Variants in OPCML observed in about 807,000 individuals in gnomAD.
OPCML encodes the protein opioid-binding protein/cell adhesion molecule.
A neutral mutation model predicts 37.8 loss-of-function variants in OPCML; 13 were observed. The ratio of observed to expected loss-of-function variants is 0.34; its 90% CI spans 0.22 to 0.55. The LOEUF (loss-of-function observed/expected upper bound fraction) is 0.55, where lower values mean the gene tolerates loss of function less well. OPCML is among the 20% of genes least tolerant of loss of function. The pLI, the probability that OPCML is intolerant of heterozygous loss-of-function variation, is 0.91. For missense variants in OPCML, 341 were observed against 435.6 expected, an observed-to-expected ratio of 0.78 and a Z score of 1.93; for synonymous variants, 176 against 168.8, an observed-to-expected ratio of 1.04 and a Z score of -0.33.
chr11:132,435,365 C>G (rs962975794), intron 7 of OPCML: 3 of 393,262 alleles, frequency 7.6e-6, no homozygotes, highest in Non-Finnish European at 1.0e-5. Flanking sequence ...TCCTACTCAT[C>G]GGATGCTTCC....
intron 3 of OPCML, among the ~76,000 whole-genome samples, chr11:132,576,942 G>A (rs1427045858): frequency 6.6e-6 from 1 of 152,120 alleles, no homozygotes; most frequent in African/African-American, 2.4e-5. Flanking sequence ...CAAGCTCCAA[G>A]ACTGGAAGGA....
At chr11:133,449,889 A>G (rs1946547187) in intron 1 of OPCML, among the ~76,000 whole-genome samples, 1 of 151,886 alleles carries the variant, frequency 6.6e-6, no homozygotes, top group South Asian at 2.1e-4. Flanking sequence ...TAGGCTAATC[A>G]TGGTAATCCC....
intron 1 of OPCML, among the ~76,000 whole-genome samples, chr11:133,469,910 A>G (rs1320663859): frequency 6.6e-6 from 1 of 152,228 alleles, no homozygotes; most frequent in Non-Finnish European, 1.5e-5. Context: ...TCTGGAACCA[A>G]CTAAGTTCAC....
At chr11:132,762,508 C>T (rs943802039) in intron 2 of OPCML, among the ~76,000 whole-genome samples, 2 of 152,174 alleles carry the variant, frequency 1.3e-5, no homozygotes, top group Non-Finnish European at 2.9e-5. Context: ...AAATGCCCTG[C>T]CCAGAGAGGA....
At chr11:132,703,307 T>G (rs1205378343) in intron 2 of OPCML, among the ~76,000 whole-genome samples, 2 of 152,212 alleles carry the variant, frequency 1.3e-5, no homozygotes, top group Non-Finnish European at 2.9e-5. Context: ...TAAATATATC[T>G]AAACATTAAA....
chr11:132,457,217 A>G (rs1178582768), intron 4 of OPCML, among the ~76,000 whole-genome samples: 1 of 152,192 alleles, frequency 6.6e-6, no homozygotes, highest in Non-Finnish European at 1.5e-5. Flanking sequence ...TGAAAACACA[A>G]GAGGCTCCAT....
At chr11:133,264,783 C>T (rs960461803) in intron 1 of OPCML, among the ~76,000 whole-genome samples, 2 of 151,594 alleles carry the variant, frequency 1.3e-5, no homozygotes, top group African/African-American at 4.9e-5. Context: ...AAAAAAAGTA[C>T]GTGGTTATAC....
chr11:132,551,985 C>T (rs1044429849), intron 3 of OPCML, among the ~76,000 whole-genome samples: 6 of 152,258 alleles, frequency 3.9e-5, no homozygotes, highest in East Asian at 3.9e-4. Flanking sequence ...CCCTCAATTC[C>T]GATTTTGATT....
intron 1 of OPCML, among the ~76,000 whole-genome samples, chr11:133,233,331 A>G (rs1274430499): frequency 1.3e-5 from 2 of 152,122 alleles, no homozygotes; most frequent in Non-Finnish European, 2.9e-5. Context: ...GGAAACTGGG[A>G]AACATCAGAT....
chr11:132,778,923 C>CT (rs1286242063), intron 2 of OPCML, among the ~76,000 whole-genome samples: 1 of 148,550 alleles, frequency 6.7e-6, no homozygotes, highest in African/African-American at 2.5e-5. Context: ...TTCTGATATA[C>CT]GATTAATAAC....
chr11:133,493,561 C>T (rs7121471), intron 1 of OPCML, among the ~76,000 whole-genome samples: 2,223 of 151,960 alleles, frequency 0.015, 57 homozygotes, highest in African/African-American at 0.051. Flanking sequence ...ACCATTATTC[C>T]ACTGCATAAA....
chr11:132,848,615 G>A (rs1012566222), intron 2 of OPCML, among the ~76,000 whole-genome samples: 3 of 152,178 alleles, frequency 2.0e-5, no homozygotes, highest in South Asian at 2.1e-4. Flanking sequence ...TTCATGACTG[G>A]ACCAAATTCG....
intron 4 of OPCML, among the ~76,000 whole-genome samples, chr11:132,510,282 G>C (rs1350048933): frequency 1.3e-5 from 2 of 152,142 alleles, no homozygotes; most frequent in African/African-American, 4.8e-5. Context: ...CAGGCTCATA[G>C]GTGGAAGGGA....
At chr11:132,532,465 G>A (rs1393757152) in intron 3 of OPCML, among the ~76,000 whole-genome samples, 1 of 152,086 alleles carries the variant, frequency 6.6e-6, no homozygotes, top group Admixed American at 6.6e-5. Flanking sequence ...ATGGAGAGAA[G>A]ATCCTTACAA....
intron 2 of OPCML, among the ~76,000 whole-genome samples, chr11:132,760,442 T>C (rs1413352634): frequency 6.6e-6 from 1 of 152,186 alleles, no homozygotes; most frequent in Non-Finnish European, 1.5e-5. Context: ...TGAGTCTCTT[T>C]GGAGGTCTCT....
intron 2 of OPCML, among the ~76,000 whole-genome samples, chr11:132,853,986 C>T (rs1185586097): frequency 6.6e-6 from 1 of 152,128 alleles, no homozygotes; most frequent in Non-Finnish European, 1.5e-5. Context: ...TTGAAGCTAG[C>T]CTCAGATCAC....
At chr11:132,862,457 T>A (rs1357861510) in intron 2 of OPCML, among the ~76,000 whole-genome samples, 1 of 149,588 alleles carries the variant, frequency 6.7e-6, no homozygotes, top group African/African-American at 2.5e-5. Flanking sequence ...ATAAACATCA[T>A]CGTATCTAGC....
chr11:133,492,825 C>T (rs558490836), intron 1 of OPCML, among the ~76,000 whole-genome samples: 6 of 152,024 alleles, frequency 3.9e-5, no homozygotes, highest in African/African-American at 1.4e-4. Flanking sequence ...GTCCTAACTG[C>T]GAGGTCTATT....
intron 1 of OPCML, among the ~76,000 whole-genome samples, chr11:133,296,449 C>T (rs747981693): frequency 6.6e-6 from 1 of 152,162 alleles, no homozygotes; most frequent in Non-Finnish European, 1.5e-5. Context: ...TCAACAATTA[C>T]ATTACAGACT....
Sources: allele counts gnomAD v4.1 joint callset (sites outside exome capture counted in the v4.1 genomes callset), GRCh38; gene constraint gnomAD v4.1.1; transcripts MANE v1.5; gene names NCBI Gene and HGNC (gene_info 2026-07-23, HGNC 2026-07-21).